The following SYT2 variants were observed in gnomAD, a reference collection of about 807,000 sequenced individuals.
The protein encoded by SYT2 is synaptotagmin-2.
SYT2 carries 15 observed loss-of-function variants against 39.9 expected under a neutral mutation model. The observed-to-expected ratio is 0.38, with a 90% CI of 0.25 to 0.58. The LOEUF (loss-of-function observed/expected upper bound fraction) is 0.58. Among genes scored for constraint, SYT2 ranks in the 20% least tolerant of loss-of-function variants. The pLI is 0.70. For synonymous variants in SYT2, 181 were observed against 204.5 expected, an observed-to-expected ratio of 0.89 and a Z score of 0.98; for missense variants, 389 against 530.3, an observed-to-expected ratio of 0.73 and a Z score of 2.62.
rs547612799 is a variant in SYT2, at chr1:202,600,728, G to C, written c.802-254C>G. On this transcript the variant is annotated intron_variant, in intron 6 of 8. Coordinates refer to ENST00000367268, the MANE Select transcript of SYT2 (RefSeq NM_177402.5). Reference sequence around the variant, plus strand: ...GTGGGCTGAGGATGCTGACAGATGAGGGGGGTAGAGGACAGCTGCGGTGGC... The same window carrying C: ...GTGGGCTGAGGATGCTGACAGATGACGGGGGTAGAGGACAGCTGCGGTGGC... Among the ~76,000 whole-genome samples the C allele has an allele frequency of 8.5e-5, 13 of 152,310 alleles. No homozygotes were observed. In the East Asian group the frequency reaches 2.5e-3, roughly 29 times the overall value.
chr1:202,625,455 G>A (rs1691372617), intron 1 of SYT2, among the ~76,000 whole-genome samples: 1 of 148,190 alleles, frequency 6.7e-6, no homozygotes, highest in Admixed American at 6.7e-5. Flanking sequence ...TGTTGCCAGT[G>A]TGCGGGGAGG....
At chr1:202,668,437 T>C (rs372273600) in intron 1 of SYT2, among the ~76,000 whole-genome samples, 1 of 152,202 alleles carries the variant, frequency 6.6e-6, no homozygotes, top group Admixed American at 6.5e-5. Flanking sequence ...TTTCATTCTG[T>C]AGTTTGTTAA....
At chr1:202,691,771 GA>G (rs1653840928) in intron 1 of SYT2, among the ~76,000 whole-genome samples, 1 of 143,912 alleles carries the variant, frequency 6.9e-6, no homozygotes, top group Non-Finnish European at 1.5e-5. Context: ...GAGAGAGAGA[GA>G]GAGAGAGAGA....
At position 202,674,455 on chromosome 1, in the gene SYT2, T is replaced by C. The variant is rs541412591; in HGVS notation, c.-18+35803A>G. ...AGTGTTAGCATGGTCCATCTGAGCATATGAACATCTGTGTGGAAGGATGTG... is the reference window on the plus strand; with the variant it reads ...AGTGTTAGCATGGTCCATCTGAGCACATGAACATCTGTGTGGAAGGATGTG... On this transcript the variant is annotated intron_variant, in intron 1 of 8. Transcript: ENST00000367268. 1.8e-4 allele frequency among the ~76,000 whole-genome samples: 27 copies of C among 152,294 alleles called. No homozygotes were observed. In the South Asian group the frequency reaches 5.2e-3, roughly 29 times the overall value.
At chr1:202,639,006 T>C (rs1384398860) in intron 1 of SYT2, among the ~76,000 whole-genome samples, 1 of 152,196 alleles carries the variant, frequency 6.6e-6, no homozygotes, top group East Asian at 1.9e-4. Flanking sequence ...TTTTGGTCTG[T>C]TGTCTTTCTG....
chr1:202,650,233 G>A (rs934243596), intron 1 of SYT2, among the ~76,000 whole-genome samples: 5 of 152,170 alleles, frequency 3.3e-5, no homozygotes, highest in East Asian at 3.9e-4. Flanking sequence ...AGTGAGCCCC[G>A]TGTTCCAGGT....
intron 1 of SYT2, among the ~76,000 whole-genome samples, chr1:202,701,280 G>A (rs182579286): frequency 3.3e-5 from 5 of 152,214 alleles, no homozygotes; most frequent in Non-Finnish European, 5.9e-5. Context: ...AATAACTGGA[G>A]TTTGTTGGTT....
intron 1 of SYT2, among the ~76,000 whole-genome samples, chr1:202,638,598 G>A (rs1691812903): frequency 6.6e-6 from 1 of 152,224 alleles, no homozygotes; most frequent in Non-Finnish European, 1.5e-5. Flanking sequence ...GCTTCCAGGA[G>A]GATGGTGCCT....
At chr1:202,695,859 C>G (rs1191555522) in intron 1 of SYT2, among the ~76,000 whole-genome samples, 1 of 152,228 alleles carries the variant, frequency 6.6e-6, no homozygotes, top group Non-Finnish European at 1.5e-5. Flanking sequence ...CTTTAATCAC[C>G]TGCCAGTTGT....
At chr1:202,621,661 G>A (rs565853090) in intron 1 of SYT2, among the ~76,000 whole-genome samples, 2 of 152,296 alleles carry the variant, frequency 1.3e-5, no homozygotes, top group African/African-American at 2.4e-5. Context: ...CCCAGAAATC[G>A]CCTGACCTGC....
chr1:202,707,730 C>T (rs1026291378), intron 1 of SYT2, among the ~76,000 whole-genome samples: 4 of 152,158 alleles, frequency 2.6e-5, no homozygotes, highest in African/African-American at 4.8e-5. Context: ...ACAGGCCTGG[C>T]GGGGAAGAAA....
At chr1:202,684,930 C>T (rs1451421110) in intron 1 of SYT2, among the ~76,000 whole-genome samples, 1 of 152,178 alleles carries the variant, frequency 6.6e-6, no homozygotes, top group Non-Finnish European at 1.5e-5. Context: ...GGGGGGATGA[C>T]ATGCTCAAAA....
intron 1 of SYT2, among the ~76,000 whole-genome samples, chr1:202,613,063 T>C (rs1690929542): frequency 7.5e-6 from 1 of 132,908 alleles, no homozygotes. Flanking sequence ...ACTCATTGGT[T>C]CTTCCTTTTT....
At chr1:202,604,772 G>T (rs373716323) in intron 2 of SYT2, 151 bp from the exon 3 acceptor site, 35 of 413,956 alleles carry the variant, frequency 8.5e-5, no homozygotes, top group Middle Eastern at 8.5e-4. Flanking sequence ...TGAGTGATTT[G>T]TATGTAAGGT....
chr1:202,662,224 T>C (rs547748489), intron 1 of SYT2, among the ~76,000 whole-genome samples: 1 of 152,182 alleles, frequency 6.6e-6, no homozygotes, highest in East Asian at 1.9e-4. Flanking sequence ...GCAAGAGGCA[T>C]AGTGTATGCG....
At chr1:202,686,499 C>T (rs947697861) in intron 1 of SYT2, among the ~76,000 whole-genome samples, 16 of 152,108 alleles carry the variant, frequency 1.1e-4, no homozygotes, top group South Asian at 2.1e-4. Context: ...AAGGTGGATC[C>T]CTAATGCCTA....
intron 1 of SYT2, among the ~76,000 whole-genome samples, chr1:202,681,035 A>G (rs1335009632): frequency 6.6e-6 from 1 of 152,146 alleles, no homozygotes; most frequent in African/African-American, 2.4e-5. Context: ...CCTCAAATGC[A>G]GTCCAGCTAA....
In SYT2 at chr1:202,601,785, AG is replaced by A; in HGVS notation, c.801+104del. On this transcript the variant is annotated intron_variant, in intron 6 of 8. Transcript: ENST00000367268. This position sits in a 1 kb window ranked among gnomAD's most constrained non-coding sequence, Gnocchi z 4.0. ...CAGTGTGGAGCTGGGATCCTAACAC[AG>A]GTCGTCTGCCTCCAAAGCCCACCCT... 8.1e-7 allele frequency: 1 copy of A among 1,230,552 alleles called. No individual in the cohort carries two copies. Among genetic ancestry groups the A allele is most frequent in the Non-Finnish European group, 1.2e-6 (1 of 866,636 alleles). The allele number at this position is 1,230,552 out of a possible 1,614,324, so 76.2% of individuals were successfully genotyped here.
chr1:202,635,595 G>T (rs1374027836), intron 1 of SYT2, among the ~76,000 whole-genome samples: 4 of 152,166 alleles, frequency 2.6e-5, no homozygotes, highest in Non-Finnish European at 5.9e-5. Context: ...TATTCAGGAA[G>T]AAGCTCTGAG....
Sources: gnomAD v4.1 joint callset for allele counts (sites outside exome capture counted in the v4.1 genomes callset) on GRCh38, gnomAD v4.1.1 for gene constraint, Gnocchi (gnomAD v3.1) non-coding constraint, MANE v1.5 for transcripts, NCBI Gene and HGNC (gene_info 2026-07-23, HGNC 2026-07-21) for gene names.